Variants in ACAD11 observed in about 807,000 individuals in gnomAD.
ACAD11 encodes acyl-CoA dehydrogenase family member 11, also known as acyl-Coenzyme A dehydrogenase family, member 11.
In ACAD11, 83 loss-of-function variants were observed where a neutral mutation model predicts 102.2. The ratio of observed to expected loss-of-function variants is 0.81; its 90% CI spans 0.68 to 0.97. The LOEUF (loss-of-function observed/expected upper bound fraction) is 0.97. Ranked by LOEUF, ACAD11 falls within the 50% of genes least tolerant of loss-of-function variation. The probability of loss-of-function intolerance (pLI) is 0.00; values close to 1 mark genes in which losing one functional copy is unlikely to be tolerated. For missense variants in ACAD11, 901 were observed against 951.7 expected (o/e 0.95, Z 0.70); for synonymous variants, 324 against 319.8 (o/e 1.01, Z -0.14).
At chr3:132,559,115 G>C in intron 19 of ACAD11, 30 bp from the exon 20 acceptor site, 1 of 1,469,386 alleles carries the variant, frequency 6.8e-7, no homozygotes, top group Non-Finnish European at 9.5e-7. Flanking sequence ...AGGGAACACA[G>C]GGAGTTATGG....
Position 132,626,740 on chromosome 3 carries a change from A to G in ACAD11, c.1148T>C (p.Leu383Pro). ...TTTCATGAAATGCTTCACCTTAATA[A>G]GAACTTCCTGACCTTTCCGAGTCTG... ...FVQTRKGQEVLIKVKHFMKQH... is the reference protein window; with the variant it reads ...FVQTRKGQEVPIKVKHFMKQH... The change falls in exon 9 of 20, where the codon CTT becomes CCT. Residue 383 changes from leucine to proline, a missense_variant. Leu to Pro is a moderately conservative substitution (Grantham distance 98). Transcript: ENST00000264990. 4 of 1,613,918 alleles carry G rather than the reference A, an allele frequency of 2.5e-6. No homozygotes were observed. Among genetic ancestry groups the G allele is most frequent in the Non-Finnish European group, 3.4e-6 (4 of 1,179,970 alleles).
intron 5 of ACAD11, among the ~76,000 whole-genome samples, chr3:132,635,578 CCT>C (rs1940241457): frequency 6.6e-6 from 1 of 152,102 alleles, no homozygotes; most frequent in Non-Finnish European, 1.5e-5. Flanking sequence ...AGTTAGTTAA[CCT>C]CTCTAATCCT....
chr3:132,619,553 T>A lies in ACAD11; in HGVS notation c.1198-8A>T. ...ATAGAACTCAGTTACCTCCTTAAAG[T>A]AATAAAAGAAAAAAATTTCACTAGC... On this transcript the variant is annotated splice_polypyrimidine_tract_variant and splice_region_variant and intron_variant, in intron 9 of 19. Coordinates refer to ENST00000264990, the MANE Select transcript of ACAD11 (RefSeq NM_032169.5). The A allele has an allele frequency of 6.5e-7, 1 of 1,532,218 alleles. No homozygotes were observed. The highest frequency in any genetic ancestry group is 8.8e-7 in the Non-Finnish European group (1 of 1,136,988). The allele number at this position is 1,532,218 out of a possible 1,614,324, so 94.9% of individuals were successfully genotyped here.
chr3:132,646,754 T>C (rs143749470), intron 1 of ACAD11, among the ~76,000 whole-genome samples: 3 of 152,360 alleles, frequency 2.0e-5, no homozygotes, highest in African/African-American at 4.8e-5. Flanking sequence ...GGATTATTGT[T>C]TGGCAATATA....
At chr3:132,571,720 G>A (rs1346290836) in intron 17 of ACAD11, among the ~76,000 whole-genome samples, 1 of 152,104 alleles carries the variant, frequency 6.6e-6, no homozygotes, top group Non-Finnish European at 1.5e-5. Context: ...CCATGATCCA[G>A]TAGGCTATAT....
chr3:132,626,618 T>G, intron 9 of ACAD11, 73 bp downstream of exon 9: 2 of 1,557,082 alleles, frequency 1.3e-6, no homozygotes, highest in Non-Finnish European at 1.8e-6. Context: ...ATGCTTCTCC[T>G]ATAAGCAGAA....
chr3:132,589,788 T>C (rs1186410117), intron 13 of ACAD11, among the ~76,000 whole-genome samples: 1 of 152,206 alleles, frequency 6.6e-6, no homozygotes, highest in Admixed American at 6.6e-5. Context: ...CATTAGGGTT[T>C]GTTGCACAGA....
rs114238326 is a variant in ACAD11 at position 132,630,754 on chromosome 3, G to A, written c.842-196C>T. 4.1e-3 allele frequency among the ~76,000 whole-genome samples: 623 copies of A among 152,240 alleles called. 4 individuals are homozygous for A. The highest frequency in any genetic ancestry group is 0.014 in the African/African-American group (596 of 41,538). ...TATTTGGTCGTAAATTACTAAAAGT[G>A]GCATGCTAAGTTCAGAAAATTTAAC... is the stretch of plus-strand genomic sequence containing the variant. On this transcript the variant is annotated intron_variant, in intron 6 of 19. Coordinates refer to ENST00000264990, the MANE Select transcript of ACAD11 (RefSeq NM_032169.5).
chr3:132,658,960 AGGACT>A (rs1937975919), intron 1 of ACAD11, among the ~76,000 whole-genome samples: 1 of 152,238 alleles, frequency 6.6e-6, no homozygotes, highest in Admixed American at 6.5e-5. Flanking sequence ...TCTGAATGAT[AGGACT>A]CTTTCTGTAG....
intron 8 of ACAD11, among the ~76,000 whole-genome samples, chr3:132,627,283 T>C (rs1415977474): frequency 2.0e-5 from 3 of 152,196 alleles, no homozygotes; most frequent in African/African-American, 7.2e-5. Flanking sequence ...CTTTCTTTGC[T>C]GAGAGCTTTC....
chr3:132,639,500 G>T lies in ACAD11; in HGVS notation c.694C>A (p.Pro232Thr). Reference sequence around the variant, plus strand: ...AACATAGCTAACTGTACCTCTTTAGGGTGGAAAACTATGTTATCTAGTCTG... The same window carrying T: ...AACATAGCTAACTGTACCTCTTTAGTGTGGAAAACTATGTTATCTAGTCTG... ...DFRLDNIVFH[P>T]KECRVIAVLD... The change falls in exon 5 of 20, where the codon CCT becomes ACT. Residue 232 changes from proline (P) to threonine (T), a missense_variant. Physicochemically the swap from Pro to Thr is conservative, Grantham distance 38 (BLOSUM62 -1). Coordinates refer to ENST00000264990, the MANE Select transcript of ACAD11 (RefSeq NM_032169.5). The T allele has an allele frequency of 6.2e-7, 1 of 1,612,896 alleles. No individual in the cohort carries two copies. Among genetic ancestry groups the T allele is most frequent in the Non-Finnish European group, 8.5e-7 (1 of 1,179,658 alleles).
intron 15 of ACAD11, among the ~76,000 whole-genome samples, 189 bp from the exon 16 acceptor site, chr3:132,577,204 CAAG>C (rs1315781743): frequency 1.3e-5 from 2 of 152,142 alleles, no homozygotes; most frequent in African/African-American, 4.8e-5. Context: ...ATCAACTGTT[CAAG>C]AAGAGAAACC....
chr3:132,568,150 C>A (rs1388931068), intron 17 of ACAD11, among the ~76,000 whole-genome samples: 1 of 152,108 alleles, frequency 6.6e-6, no homozygotes. Flanking sequence ...TCGCTTGAAC[C>A]CAGGAGGCGG....
chr3:132,606,405 G>A (rs1044309060), intron 11 of ACAD11, among the ~76,000 whole-genome samples: 1 of 152,010 alleles, frequency 6.6e-6, no homozygotes, highest in Admixed American at 6.6e-5. Flanking sequence ...TAAATTCACT[G>A]TTACTTGTTA....
intron 17 of ACAD11, among the ~76,000 whole-genome samples, chr3:132,561,514 G>C (rs1332044869): frequency 6.6e-6 from 1 of 152,136 alleles, no homozygotes; most frequent in African/African-American, 2.4e-5. Context: ...GCTGAACTGA[G>C]CAACTGCCTT....
intron 11 of ACAD11, among the ~76,000 whole-genome samples, chr3:132,610,132 AAT>A (rs1231824625): frequency 7.2e-5 from 11 of 152,324 alleles, no homozygotes; most frequent in Admixed American, 2.6e-4. Flanking sequence ...ATCTCAAAAT[AAT>A]AAGAGCTATT....
chr3:132,634,365 C>T (rs1286269435), intron 5 of ACAD11, among the ~76,000 whole-genome samples: 2 of 152,188 alleles, frequency 1.3e-5, no homozygotes, highest in African/African-American at 4.8e-5. Flanking sequence ...GATACCATCT[C>T]ACACCAGTTA....
chr3:132,628,064 TAGAA>T (rs1447842169), intron 8 of ACAD11, among the ~76,000 whole-genome samples: 1 of 152,214 alleles, frequency 6.6e-6, no homozygotes, highest in Admixed American at 6.5e-5. Flanking sequence ...ACTTAAATAT[TAGAA>T]AGAAACACTT....
At chr3:132,637,622 C>T (rs183684700) in intron 5 of ACAD11, among the ~76,000 whole-genome samples, 88 of 152,270 alleles carry the variant, frequency 5.8e-4, no homozygotes, top group African/African-American at 1.0e-3. Flanking sequence ...AGATCTTAAA[C>T]ATTTCTCTAC....
Sources: allele counts gnomAD v4.1 joint callset (sites outside exome capture counted in the v4.1 genomes callset), GRCh38; gene constraint gnomAD v4.1.1; transcripts MANE v1.5; gene names NCBI Gene and HGNC (gene_info 2026-07-23, HGNC 2026-07-21).